Variants in FER observed in about 807,000 individuals in gnomAD.
FER encodes the protein FER tyrosine kinase, also known as tyrosine-protein kinase Fer.
Under a neutral mutation model 111.0 loss-of-function variants are expected in FER, and 63 were observed. The ratio of observed to expected loss-of-function variants is 0.57; its 90% CI spans 0.46 to 0.70. FER has a LOEUF of 0.70. Among genes scored for constraint, FER ranks in the 30% least tolerant of loss-of-function variants. The pLI, the probability that FER is intolerant of heterozygous loss-of-function variation, is 0.00. For synonymous variants in FER, 327 were observed against 313.9 expected (o/e 1.04, Z -0.44); for missense variants, 914 against 954.0 (o/e 0.96, Z 0.55).
At chr5:108,770,127 T>A (rs1405679775) in intron 2 of FER, among the ~76,000 whole-genome samples, 1 of 152,166 alleles carries the variant, frequency 6.6e-6, no homozygotes, top group Non-Finnish European at 1.5e-5. Context: ...TTCGTATTTT[T>A]AGTAGAGATG....
chr5:108,974,041 A>T (rs936509487), intron 13 of FER, among the ~76,000 whole-genome samples: 2 of 152,150 alleles, frequency 1.3e-5, no homozygotes. Flanking sequence ...AATAGTAGAA[A>T]TTTTCGAGGA....
At position 108,892,222 on chromosome 5, in the gene FER, G is replaced by A. The variant is rs551284554; in HGVS notation, c.1047-5437G>A. ...GGTCAAATGGTATTTCTAGTTCTAG[G>A]TCCCTGAGGAATCGCCACACTGACT... On this transcript the variant is annotated intron_variant, in intron 9 of 19. Coordinates refer to ENST00000281092, the MANE Select transcript of FER (RefSeq NM_005246.4). Among the ~76,000 whole-genome samples the A allele has an allele frequency of 6.6e-4, 101 of 152,048 alleles. 3 individuals carry two copies. The highest frequency in any genetic ancestry group is 4.1e-4 in the African/African-American group (17 of 41,404).
In FER at chr5:108,920,697, C is replaced by G. The variant is rs547798000; in HGVS notation, c.1236+22849C>G. 6.6e-5 allele frequency among the ~76,000 whole-genome samples: 10 copies of G among 152,254 alleles called. No individual in the cohort carries two copies. The South Asian group carries it at 2.1e-3, about 32-fold the overall frequency. ...TGGTAAATTCACCATAAATTAAGGT[C>G]TGAACTACTTCAGCCAGTTTACCTG... On this transcript the variant is annotated intron_variant, in intron 10 of 19. Coordinates refer to ENST00000281092, the MANE Select transcript of FER (RefSeq NM_005246.4).
intron 16 of FER, among the ~76,000 whole-genome samples, chr5:109,067,992 T>G (rs1022731117): frequency 6.6e-6 from 1 of 152,150 alleles, no homozygotes; most frequent in African/African-American, 2.4e-5. Context: ...ATAGAAGGAA[T>G]TTTACTCTTT....
intron 5 of FER, among the ~76,000 whole-genome samples, chr5:108,847,351 T>C (rs1488237741): frequency 6.6e-6 from 1 of 152,074 alleles, no homozygotes; most frequent in Non-Finnish European, 1.5e-5. Context: ...TTTTAAAATT[T>C]AATTTCGTTG....
chr5:108,762,517 G>T (rs2900035), intron 1 of FER, among the ~76,000 whole-genome samples: 1 of 151,896 alleles, frequency 6.6e-6, no homozygotes, highest in Non-Finnish European at 1.5e-5. Flanking sequence ...CTTTTTAGAC[G>T]TAAGAGATCA....
chr5:108,868,553 AT>A (rs1019768297), intron 6 of FER, among the ~76,000 whole-genome samples: 1 of 152,048 alleles, frequency 6.6e-6, no homozygotes, highest in African/African-American at 2.4e-5. Flanking sequence ...GGTAGACCCT[AT>A]TTCCTTGCTT....
chr5:108,766,473 A>G (rs1231818136), intron 1 of FER, among the ~76,000 whole-genome samples: 3 of 152,236 alleles, frequency 2.0e-5, no homozygotes, highest in Non-Finnish European at 2.9e-5. Flanking sequence ...GTTTTATGGA[A>G]GAAGAGAAAT....
intron 13 of FER, among the ~76,000 whole-genome samples, chr5:109,017,280 G>T (rs1472370601): frequency 6.6e-6 from 1 of 151,866 alleles, no homozygotes; most frequent in Non-Finnish European, 1.5e-5. Context: ...AAAAAGATAT[G>T]TTATATATTT....
rs1561415104 is a variant in FER at position 108,785,514 on chromosome 5, A to G, written c.-59-12610A>G. ...CATTTGTTTGCTGGCTACACAGACA[A>G]CCTGGTGTGAGTGTGGCAGGTGACA... On this transcript the variant is annotated intron_variant, in intron 2 of 19. Transcript: ENST00000281092. 4 of 561,908 alleles carry G rather than the reference A, an allele frequency of 7.1e-6. No homozygotes were observed. The East Asian group carries it at 1.9e-4, about 26-fold the overall frequency. 34.8% of individuals were successfully genotyped at this position (561,908 alleles called of 1,614,324 possible). A position where few individuals can be genotyped will look rare whatever the true frequency, so the allele number is the denominator to read the frequency against.
chr5:108,838,412 A>G (rs1760896904), intron 5 of FER, among the ~76,000 whole-genome samples: 1 of 152,206 alleles, frequency 6.6e-6, no homozygotes, highest in African/African-American at 2.4e-5. Context: ...AACATAGAGC[A>G]TCCAATTAGA....
intron 13 of FER, among the ~76,000 whole-genome samples, chr5:109,017,368 C>T (rs1192984044): frequency 6.6e-6 from 1 of 151,898 alleles, no homozygotes; most frequent in Non-Finnish European, 1.5e-5. Flanking sequence ...ATTACAAATA[C>T]AAAACATATT....
intron 13 of FER, among the ~76,000 whole-genome samples, chr5:108,972,827 T>G (rs916455401): frequency 6.6e-6 from 1 of 152,216 alleles, no homozygotes; most frequent in African/African-American, 2.4e-5. Context: ...CATTTATGTG[T>G]GGCATCTCTT....
At chr5:109,126,825 C>G (rs779538826) in intron 17 of FER, among the ~76,000 whole-genome samples, 9 of 152,070 alleles carry the variant, frequency 5.9e-5, no homozygotes, top group Admixed American at 2.6e-4. Flanking sequence ...TAGAACCAAA[C>G]AAGGTAAAGT....
At chr5:109,078,686 A>C (rs114066384) in intron 16 of FER, among the ~76,000 whole-genome samples, 474 of 152,312 alleles carry the variant, frequency 3.1e-3, no homozygotes, top group African/African-American at 0.011. Context: ...AATATTGACC[A>C]AGTTACTCAA....
intron 13 of FER, among the ~76,000 whole-genome samples, chr5:109,029,425 C>CTTTTTTTTTTTTTTTTTTTTTT (rs757282669): frequency 1.9e-5 from 1 of 52,204 alleles, no homozygotes; most frequent in Non-Finnish European, 3.4e-5. Flanking sequence ...ATTCATTGTT[C>CTTTTTTTTTTTTTTTTTTTTTT]TTTTTTTTTT....
intron 17 of FER, among the ~76,000 whole-genome samples, chr5:109,119,093 G>A (rs1208934340): frequency 4.6e-5 from 7 of 152,104 alleles, no homozygotes; most frequent in Middle Eastern, 3.4e-3. Context: ...TCTTTTAATT[G>A]TGATGTTAGG....
At chr5:108,863,247 T>C (rs1271887926) in intron 5 of FER, among the ~76,000 whole-genome samples, 4 of 152,156 alleles carry the variant, frequency 2.6e-5, no homozygotes, top group African/African-American at 7.2e-5. Context: ...AGCCTCCCGA[T>C]TGGCTGGGAC....
chr5:108,891,937 T>C (rs1748139884), intron 9 of FER, among the ~76,000 whole-genome samples: 1 of 152,132 alleles, frequency 6.6e-6, no homozygotes, highest in African/African-American at 2.4e-5. Flanking sequence ...GTCCTTGTGA[T>C]AGTTTGCTGA....
Sources: gnomAD v4.1 joint callset for allele counts (sites outside exome capture counted in the v4.1 genomes callset) on GRCh38, gnomAD v4.1.1 for gene constraint, MANE v1.5 for transcripts, NCBI Gene and HGNC (gene_info 2026-07-23, HGNC 2026-07-21) for gene names.